The following ZBTB7C variants were observed in gnomAD, a reference collection of about 807,000 sequenced individuals.
ZBTB7C encodes the protein zinc finger and BTB domain-containing protein 7C.
A neutral mutation model predicts 25.7 loss-of-function variants in ZBTB7C; 8 were observed. The ratio of observed to expected loss-of-function variants is 0.31; its 90% CI spans 0.18 to 0.56. The LOEUF (loss-of-function observed/expected upper bound fraction) is 0.56, where lower values mean the gene tolerates loss of function less well. Ranked by LOEUF, ZBTB7C falls within the 20% of genes least tolerant of loss-of-function variation. The probability of loss-of-function intolerance (pLI) is 0.91; values close to 1 mark genes in which losing one functional copy is unlikely to be tolerated. For missense variants in ZBTB7C, 824 were observed against 855.2 expected, an observed-to-expected ratio of 0.96 and a Z score of 0.46; for synonymous variants, 394 against 369.0, an observed-to-expected ratio of 1.07 and a Z score of -0.78.
At chr18:48,163,228 C>T (rs975687726) in intron 3 of ZBTB7C, among the ~76,000 whole-genome samples, 7 of 152,146 alleles carry the variant, frequency 4.6e-5, no homozygotes, top group Non-Finnish European at 7.4e-5. Flanking sequence ...CAAAATCTCC[C>T]CCCTTTATAA....
intron 3 of ZBTB7C, among the ~76,000 whole-genome samples, chr18:48,077,522 C>T (rs1440839734): frequency 6.6e-6 from 1 of 152,230 alleles, no homozygotes; most frequent in African/African-American, 2.4e-5. Context: ...GAGCCTAGTA[C>T]AGGGCCTGGC....
At chr18:48,314,521 G>A (rs1258058450) in intron 2 of ZBTB7C, among the ~76,000 whole-genome samples, 3 of 152,302 alleles carry the variant, frequency 2.0e-5, no homozygotes, top group Admixed American at 6.5e-5. Flanking sequence ...GAAAAGGGCA[G>A]GAGAGCCCAG....
chr18:48,115,898 C>G (rs1479064016), intron 3 of ZBTB7C, among the ~76,000 whole-genome samples: 1 of 151,904 alleles, frequency 6.6e-6, no homozygotes, highest in Non-Finnish European at 1.5e-5. Flanking sequence ...GAAGAAAGGG[C>G]GGGGCATACC....
intron 2 of ZBTB7C, among the ~76,000 whole-genome samples, chr18:48,324,578 G>A (rs2046174259): frequency 6.6e-6 from 1 of 152,114 alleles, no homozygotes; most frequent in Non-Finnish European, 1.5e-5. Context: ...GGGAGGTGAT[G>A]AGTTCATAAG....
At chr18:48,153,130 C>T (rs980602214) in intron 3 of ZBTB7C, among the ~76,000 whole-genome samples, 3 of 152,246 alleles carry the variant, frequency 2.0e-5, no homozygotes, top group Admixed American at 1.3e-4. Flanking sequence ...CAAAACTCTC[C>T]TCTTCCCTTT....
chr18:48,221,968 T>G (rs1168579529), intron 2 of ZBTB7C, among the ~76,000 whole-genome samples: 1 of 139,634 alleles, frequency 7.2e-6, no homozygotes, highest in Admixed American at 7.0e-5. Context: ...CCAGTCTCCT[T>G]TATACTATCC....
intron 2 of ZBTB7C, among the ~76,000 whole-genome samples, chr18:48,224,654 C>T (rs2145314399): frequency 6.6e-6 from 1 of 152,332 alleles, no homozygotes; most frequent in Admixed American, 6.5e-5. Context: ...GATGTACGTT[C>T]AAACACCAAC....
At chr18:48,179,646 C>A (rs914442920) in intron 3 of ZBTB7C, among the ~76,000 whole-genome samples, 2 of 151,954 alleles carry the variant, frequency 1.3e-5, no homozygotes, top group East Asian at 3.9e-4. Flanking sequence ...GCTGGAATGC[C>A]CTCGACTGCA....
rs2035607555 is a variant in ZBTB7C at position 48,028,901 on chromosome 18, G to T, written c.*359C>A. ...GCCCCTACCTCCTCCTGCTGTGGCTGGCTGGGCACCAGGCCAACCACCCCC... is the reference window on the plus strand; with the variant it reads ...GCCCCTACCTCCTCCTGCTGTGGCTTGCTGGGCACCAGGCCAACCACCCCC... On this transcript the variant is annotated 3_prime_UTR_variant, in exon 5 of 5. Transcript: ENST00000590800. The T allele has an allele frequency of 3.8e-6, 1 of 265,600 alleles. No individual in the cohort carries two copies. The highest frequency in any genetic ancestry group is 5.7e-5 in the Admixed American group (1 of 17,518). The allele number at this position is 265,600 out of a possible 1,614,324, so 16.5% of individuals were successfully genotyped here.
At chr18:48,370,681 T>C (rs975826189) in intron 1 of ZBTB7C, among the ~76,000 whole-genome samples, 2 of 152,148 alleles carry the variant, frequency 1.3e-5, no homozygotes, top group African/African-American at 4.8e-5. Context: ...TCCCAGAAGA[T>C]GTGTCGATCA....
intron 3 of ZBTB7C, among the ~76,000 whole-genome samples, chr18:48,081,499 C>T (rs1252528750): frequency 1.3e-5 from 2 of 151,562 alleles, no homozygotes; most frequent in East Asian, 3.9e-4. Context: ...CACTCTGTCG[C>T]CCAGGCTGGA....
At chr18:48,408,147 C>G (rs2048324645) in intron 1 of ZBTB7C, among the ~76,000 whole-genome samples, 2 of 152,268 alleles carry the variant, frequency 1.3e-5, no homozygotes, top group African/African-American at 4.8e-5. Context: ...CACCCACCCC[C>G]AGCTCCCCTC....
At chr18:48,042,295 G>GAAC (rs1014085811) in intron 3 of ZBTB7C, among the ~76,000 whole-genome samples, 3 of 151,748 alleles carry the variant, frequency 2.0e-5, no homozygotes, top group Non-Finnish European at 4.4e-5. Flanking sequence ...CAACAAATCA[G>GAAC]AACAACAACA....
At chr18:48,083,628 C>CT (rs1300223964) in intron 3 of ZBTB7C, among the ~76,000 whole-genome samples, 22 of 152,276 alleles carry the variant, frequency 1.4e-4, no homozygotes, top group Admixed American at 8.5e-4. Context: ...TTTGCTGGGA[C>CT]ATGGAAATCT....
chr18:48,041,130 A>G lies in ZBTB7C; in HGVS notation c.-16-7T>C. On this transcript the variant is annotated splice_polypyrimidine_tract_variant and splice_region_variant and intron_variant, in intron 3 of 4. Transcript: ENST00000590800. The stretch of plus-strand genomic sequence containing the variant: ...CATGTTCTCAGCCAGAGCCCTGCAG[A>G]GACACACAGAGAAGAAGACTGGGTT... 2 of 1,569,370 alleles carry G rather than the reference A, an allele frequency of 1.3e-6. No individual in the cohort carries two copies. The highest frequency in any genetic ancestry group is 1.7e-6 in the Non-Finnish European group (2 of 1,155,904).
At chr18:48,076,209 C>T (rs1296011075) in intron 3 of ZBTB7C, among the ~76,000 whole-genome samples, 1 of 152,212 alleles carries the variant, frequency 6.6e-6, no homozygotes, top group Non-Finnish European at 1.5e-5. Flanking sequence ...GCACTTTACT[C>T]CTGTGACCTG....
chr18:48,259,749 G>A (rs1231741691), intron 2 of ZBTB7C, among the ~76,000 whole-genome samples: 1 of 152,156 alleles, frequency 6.6e-6, no homozygotes, highest in African/African-American at 2.4e-5. Context: ...TGGCAAGTAA[G>A]CCCATGAAAA....
rs569392878 is a variant in ZBTB7C, at chr18:48,341,637, AGAAAG to A, written c.-303-3244_-303-3240del. Among the ~76,000 whole-genome samples the A allele has an allele frequency of 1.7e-3, 263 of 152,374 alleles. 3 individuals are homozygous for A. The highest frequency in any genetic ancestry group is 5.9e-3 in the African/African-American group (246 of 41,598). ...CTCTCCTTAAAGGAGCTGTTGTAAA[AGAAAG>A]GAGAGTTTTCACAGGGCTACAGCAT... is the stretch of plus-strand genomic sequence containing the variant. On this transcript the variant is annotated intron_variant, in intron 1 of 4. Coordinates refer to ENST00000590800, the MANE Select transcript of ZBTB7C (RefSeq NM_001318841.2).
intron 3 of ZBTB7C, among the ~76,000 whole-genome samples, chr18:48,081,094 T>G (rs942162085): frequency 5.3e-5 from 8 of 152,160 alleles, no homozygotes; most frequent in African/African-American, 1.9e-4. Context: ...AATGGATGAG[T>G]AACAAAAGCT....
Sources: gnomAD v4.1 joint callset for allele counts (sites outside exome capture counted in the v4.1 genomes callset) on GRCh38, gnomAD v4.1.1 for gene constraint, MANE v1.5 for transcripts, NCBI Gene and HGNC (gene_info 2026-07-23, HGNC 2026-07-21) for gene names.